CRYZL1: variants seen among roughly 807,000 people sequenced by gnomAD.
CRYZL1 encodes ferry endosomal RAB5 effector complex subunit 4.
In CRYZL1, 34 loss-of-function variants were observed where a neutral mutation model predicts 50.6. The observed-to-expected ratio is 0.67, with a 90% CI of 0.51 to 0.89. The LOEUF (loss-of-function observed/expected upper bound fraction) is 0.89. CRYZL1 is among the 40% of genes least tolerant of loss of function. The pLI is 0.00. For synonymous variants in CRYZL1, 125 were observed against 134.3 expected (o/e 0.93, Z 0.48); for missense variants, 354 against 402.3 (o/e 0.88, Z 1.03).
At chr21:33,627,075 A>G (rs1397999727) in intron 2 of CRYZL1, among the ~76,000 whole-genome samples, 1 of 152,192 alleles carries the variant, frequency 6.6e-6, no homozygotes, top group African/African-American at 2.4e-5. Context: ...GTTTCTTCCC[A>G]AGAGCCAATC....
chr21:33,595,457 GTGTGAT>G lies in CRYZL1; in HGVS notation c.904+268_904+273del, dbSNP rs1201870469. The G allele has an allele frequency of 7.3e-6, 10 of 1,374,790 alleles. No homozygotes were observed. In the East Asian group the frequency reaches 3.6e-4, roughly 50 times the overall value. The allele number at this position is 1,374,790 out of a possible 1,614,324, so 85.2% of individuals were successfully genotyped here. A position where few individuals can be genotyped will look rare whatever the true frequency, so the allele number is the denominator to read the frequency against. ...TTCAGAAAGGAGAGAGACTGCCTGA[GTGTGAT>G]TCTTGCTCCGCCACTTGCTGCGTCC... On this transcript the variant is annotated intron_variant, in intron 11 of 12. Coordinates refer to ENST00000381554, the MANE Select transcript of CRYZL1 (RefSeq NM_145858.3).
intron 1 of CRYZL1, chr21:33,640,213 T>G (rs1454913897): frequency 1.0e-5 from 16 of 1,547,272 alleles, no homozygotes; most frequent in Non-Finnish European, 1.4e-5. Flanking sequence ...TAGTTAATCT[T>G]AGAAATATTT....
intron 1 of CRYZL1, 147 bp downstream of exon 1, chr21:33,641,534 G>A (rs2087339636): frequency 2.2e-6 from 1 of 463,174 alleles, no homozygotes; most frequent in Admixed American, 3.8e-5. Context: ...CCTCAGCTAA[G>A]CTAGGCCTGG....
intron 1 of CRYZL1, among the ~76,000 whole-genome samples, chr21:33,632,376 C>T (rs2087149853): frequency 6.6e-6 from 1 of 151,774 alleles, no homozygotes; most frequent in African/African-American, 2.4e-5. Flanking sequence ...ATTCTGTGAA[C>T]TTATTTATTT....
At chr21:33,612,770 T>G (rs746668973) in intron 6 of CRYZL1, among the ~76,000 whole-genome samples, 4 of 152,190 alleles carry the variant, frequency 2.6e-5, no homozygotes, top group Non-Finnish European at 5.9e-5. Context: ...TAAGAAAAAT[T>G]AAAAACGAAT....
intron 4 of CRYZL1, among the ~76,000 whole-genome samples, chr21:33,618,288 C>CAAAAAAA (rs35810127): frequency 9.9e-5 from 9 of 91,236 alleles, no homozygotes; most frequent in African/African-American, 1.7e-4. Context: ...GACTCCGTCT[C>CAAAAAAA]AAAAAAAAAA....
At chr21:33,590,011 C>A in intron 12 of CRYZL1, 90 bp from the exon 13 acceptor site, 1 of 691,472 alleles carries the variant, frequency 1.4e-6, no homozygotes, top group Admixed American at 3.0e-5. Flanking sequence ...GTGCTCAAAT[C>A]TATTAGTGTA....
chr21:33,612,598 A>G (rs1172965113), intron 6 of CRYZL1, among the ~76,000 whole-genome samples: 1 of 152,110 alleles, frequency 6.6e-6, no homozygotes, highest in Non-Finnish European at 1.5e-5. Context: ...TGATGGTCAG[A>G]CTTTTTAACT....
chr21:33,603,808 T>A (rs921696720), intron 6 of CRYZL1, among the ~76,000 whole-genome samples: 16 of 152,224 alleles, frequency 1.1e-4, no homozygotes, highest in Non-Finnish European at 1.8e-4. Flanking sequence ...TGAATAAATA[T>A]AAAGGAAATA....
intron 2 of CRYZL1, among the ~76,000 whole-genome samples, chr21:33,629,581 T>C (rs2087114161): frequency 6.6e-6 from 1 of 152,208 alleles, no homozygotes; most frequent in South Asian, 2.1e-4. Context: ...ATTTTTTATT[T>C]CGTATCCTAT....
intron 5 of CRYZL1, among the ~76,000 whole-genome samples, chr21:33,614,158 C>T (rs117908329): frequency 0.015 from 2,004 of 130,148 alleles, 27 homozygotes; most frequent in South Asian, 0.032. Context: ...GCCGACAGTG[C>T]GAGACTCTGT....
chr21:33,601,487 C>T (rs565752124), intron 8 of CRYZL1, among the ~76,000 whole-genome samples: 29 of 152,246 alleles, frequency 1.9e-4, no homozygotes, highest in African/African-American at 4.6e-4. Context: ...ACCCAGCCTG[C>T]ATCAGGTGTT....
At chr21:33,597,091 A>C (rs1322379938) in intron 10 of CRYZL1, among the ~76,000 whole-genome samples, 189 bp downstream of exon 10, 1 of 151,934 alleles carries the variant, frequency 6.6e-6, no homozygotes, top group East Asian at 1.9e-4. Context: ...GCTGGTCTTG[A>C]ACTCCTGGCC....
At chr21:33,604,624 G>A (rs1402076964) in intron 6 of CRYZL1, among the ~76,000 whole-genome samples, 3 of 151,440 alleles carry the variant, frequency 2.0e-5, no homozygotes, top group Non-Finnish European at 2.9e-5. Flanking sequence ...TGCTTTTTAT[G>A]TTCCATATTA....
intron 2 of CRYZL1, among the ~76,000 whole-genome samples, chr21:33,629,740 T>C (rs1174813479): frequency 2.0e-5 from 3 of 152,240 alleles, no homozygotes; most frequent in Non-Finnish European, 4.4e-5. Flanking sequence ...TCTTGCCTAA[T>C]TGCTCTGGCT....
Position 33,626,183 on chromosome 21 carries a change from T to C in CRYZL1, c.67-1423A>G, listed in dbSNP as rs570800037. On this transcript the variant is annotated intron_variant, in intron 2 of 12. Coordinates refer to ENST00000381554, the MANE Select transcript of CRYZL1 (RefSeq NM_145858.3). ...CATGTTGGCCAGGTTGGTCTTGAACTCCTGACCTCAGGTGATCTGCCTGCC... is the reference window on the plus strand; with the variant it reads ...CATGTTGGCCAGGTTGGTCTTGAACCCCTGACCTCAGGTGATCTGCCTGCC... Among the ~76,000 whole-genome samples the C allele has an allele frequency of 7.4e-4, 113 of 152,034 alleles. 1 individual carries two copies. The South Asian group carries it at 0.023, about 31-fold the overall frequency.
chr21:33,592,737 G>A (rs2086655726), intron 11 of CRYZL1, among the ~76,000 whole-genome samples: 1 of 152,130 alleles, frequency 6.6e-6, no homozygotes. Flanking sequence ...GAGGACTACT[G>A]TATGATTCAG....
At chr21:33,626,312 T>C (rs2087062434) in intron 2 of CRYZL1, among the ~76,000 whole-genome samples, 1 of 152,200 alleles carries the variant, frequency 6.6e-6, no homozygotes, top group South Asian at 2.1e-4. Flanking sequence ...ACATGTGCCT[T>C]GGGCATTTCA....
At chr21:33,634,111 C>G (rs968918187) in intron 1 of CRYZL1, among the ~76,000 whole-genome samples, 1 of 152,142 alleles carries the variant, frequency 6.6e-6, no homozygotes, top group African/African-American at 2.4e-5. Context: ...TATATAAAAG[C>G]AGGATTAAGC....
Sources: gnomAD v4.1 joint callset for allele counts (sites outside exome capture counted in the v4.1 genomes callset) on GRCh38, gnomAD v4.1.1 for gene constraint, MANE v1.5 for transcripts, NCBI Gene and HGNC (gene_info 2026-07-23, HGNC 2026-07-21) for gene names.